DNAH9: variants seen among roughly 807,000 people sequenced by gnomAD.
The protein encoded by DNAH9 is DNAH9 variant protein.
Under a neutral mutation model 471.6 loss-of-function variants are expected in DNAH9, and 345 were observed. That is an observed-to-expected ratio of 0.73 (90% CI 0.67 to 0.80). The LOEUF is 0.80. Among genes scored for constraint, DNAH9 ranks in the 30% least tolerant of loss-of-function variants. The pLI, the probability that DNAH9 is intolerant of heterozygous loss-of-function variation, is 0.00. For missense variants in DNAH9, 5,407 were observed against 5,609.2 expected (o/e 0.96, Z 1.15); for synonymous variants, 2,093 against 2,123.6 (o/e 0.99, Z 0.40).
chr17:11,907,123 C>A (rs540852282), intron 61 of DNAH9, among the ~76,000 whole-genome samples: 1 of 152,216 alleles, frequency 6.6e-6, no homozygotes, highest in Admixed American at 6.5e-5. Flanking sequence ...AGTGAAGCCT[C>A]CAGGTAGCAG....
intron 42 of DNAH9, among the ~76,000 whole-genome samples, chr17:11,794,062 T>TTTTTTGTTTG (rs34204064): frequency 1.0e-5 from 1 of 99,180 alleles, no homozygotes; most frequent in African/African-American, 3.5e-5. Context: ...TTTTTTTTTT[T>TTTTTTGTTTG]GAGACAGAGT....
intron 43 of DNAH9, among the ~76,000 whole-genome samples, chr17:11,804,079 C>T (rs776732894): frequency 9.2e-5 from 14 of 152,212 alleles, no homozygotes; most frequent in Non-Finnish European, 1.8e-4. Context: ...CTTCAATGTG[C>T]TGTCACTGCA....
intron 61 of DNAH9, among the ~76,000 whole-genome samples, chr17:11,920,085 A>T (rs1597827404): frequency 6.9e-6 from 1 of 145,752 alleles, no homozygotes; most frequent in African/African-American, 2.6e-5. Context: ...CCCAGGCTGG[A>T]GTGTGCAATG....
chr17:11,620,086 G>A (rs2072824650), intron 6 of DNAH9, among the ~76,000 whole-genome samples: 1 of 151,950 alleles, frequency 6.6e-6, no homozygotes. Flanking sequence ...GGTGTGGTGT[G>A]CACCTGTAGT....
chr17:11,899,183 T>A (rs28638309), intron 59 of DNAH9, among the ~76,000 whole-genome samples: 61,432 of 151,000 alleles, frequency 0.41, 12,684 homozygotes, highest in Middle Eastern at 0.54. Flanking sequence ...CATGATTTTT[T>A]AAAAAAAAAA....
At chr17:11,685,674 G>C (rs2074229754) in intron 19 of DNAH9, among the ~76,000 whole-genome samples, 1 of 152,142 alleles carries the variant, frequency 6.6e-6, no homozygotes, top group Non-Finnish European at 1.5e-5. Flanking sequence ...AGGAGAAGGA[G>C]AGTGTAAGGG....
At position 11,744,990 on chromosome 17, in the gene DNAH9, AT is replaced by A; in HGVS notation, c.6306del (p.Asp2102GlufsTer18). The part of the protein sequence containing the change: ...GLIGDLFPAL[D>X]VPRRRDPNFE... ...ATCGGGGACCTCTTTCCCGCCCTGG[AT>A]GTCCCCCGGAGGAGAGACCCCAACT... On this transcript the variant is annotated frameshift_variant, in exon 31 of 69. Transcript: ENST00000262442. LOFTEE classifies it high-confidence loss of function. 1 of 1,614,114 alleles carries A rather than the reference AT, an allele frequency of 6.2e-7. No homozygotes were observed. Among genetic ancestry groups the A allele is most frequent in the Non-Finnish European group, 8.5e-7 (1 of 1,179,966 alleles).
chr17:11,632,145 C>G (rs1474794257), intron 7 of DNAH9, among the ~76,000 whole-genome samples: 1 of 152,170 alleles, frequency 6.6e-6, no homozygotes, highest in Non-Finnish European at 1.5e-5. Context: ...TTCTTTCCTC[C>G]TAATGGCTAG....
At chr17:11,925,213 T>C (rs1007155961) in intron 62 of DNAH9, 1 of 455,328 alleles carries the variant, frequency 2.2e-6, no homozygotes, top group Non-Finnish European at 4.4e-6. Flanking sequence ...GCCTTGAACA[T>C]AGCAGACACT....
intron 4 of DNAH9, among the ~76,000 whole-genome samples, chr17:11,616,694 A>C (rs962885238): frequency 6.6e-6 from 1 of 152,178 alleles, no homozygotes; most frequent in African/African-American, 2.4e-5. Flanking sequence ...TTTTTTAAAA[A>C]AATTATACTT....
rs1976223591 is a variant in DNAH9, at chr17:11,961,904, A to T, written c.12881A>T (p.Gln4294Leu). Residue 4294 changes from glutamine to leucine, a missense_variant, in exon 68 of 69, where the codon CAG becomes CTG. Transcript: ENST00000262442. ...LTMTSHMENL[Q>L]NALYFDMVPE... Reference sequence around the variant, plus strand: ...ATGACCAGCCACATGGAGAACTTACAGAATGCCCTGTACTTCGATATGGTG... The same window carrying T: ...ATGACCAGCCACATGGAGAACTTACTGAATGCCCTGTACTTCGATATGGTG... 1 of 1,613,056 alleles carries T rather than the reference A, an allele frequency of 6.2e-7. No individual in the cohort carries two copies.
Position 11,679,789 on chromosome 17 carries a change from G to T in DNAH9, c.3386G>T (p.Ser1129Ile). Residue 1129 changes from serine (S) to isoleucine (I), a missense_variant, in exon 18 of 69, where the codon AGT becomes ATT. Physicochemically the swap from Ser to Ile is moderately radical, Grantham distance 142. Coordinates refer to ENST00000262442, the MANE Select transcript of DNAH9 (RefSeq NM_001372.4). Reference protein sequence around the residue: ...LANLDAFIKKSESGLLKKVEK... With the variant: ...LANLDAFIKKIESGLLKKVEK... ...AACCTGGATGCGTTTATAAAGAAGA[G>T]TGAGAGCGGCTTACTCAAGAAAGTT... is the stretch of plus-strand genomic sequence containing the variant. 2 of 1,614,126 alleles carry T rather than the reference G, an allele frequency of 1.2e-6. No individual in the cohort carries two copies. The highest frequency in any genetic ancestry group is 1.6e-4 in the Middle Eastern group (1 of 6,062).
chr17:11,904,162 C>T (rs1306894493), intron 60 of DNAH9, among the ~76,000 whole-genome samples: 6 of 152,168 alleles, frequency 3.9e-5, no homozygotes, highest in Admixed American at 3.9e-4. Flanking sequence ...ACAGAGATCT[C>T]TTGAGCTGAG....
chr17:11,903,050 A>C, intron 60 of DNAH9, 138 bp downstream of exon 60: 1 of 994,114 alleles, frequency 1.0e-6, no homozygotes, highest in East Asian at 2.5e-5. Flanking sequence ...AATAGAAATT[A>C]ACTAAACAGG....
At chr17:11,838,524 G>A (rs371707787) in intron 49 of DNAH9, among the ~76,000 whole-genome samples, 2 of 152,202 alleles carry the variant, frequency 1.3e-5, no homozygotes, top group African/African-American at 4.8e-5. Flanking sequence ...ACTAGATGGA[G>A]AAGGTGGTAG....
chr17:11,727,868 CTTTGATGAG>C lies in DNAH9; in HGVS notation c.5764_5772del (p.Asp1922_Phe1924del). ...TTGCTCAGACTGGTGCCTGGGGCTG[CTTTGATGAG>C]TTTAATCGAATCTCCGTGGAGGTCT... On this transcript the variant is annotated inframe_deletion, in exon 28 of 69. Transcript: ENST00000262442. 1 of 1,614,118 alleles carries C rather than the reference CTTTGATGAG, an allele frequency of 6.2e-7. No homozygotes were observed. The highest frequency in any genetic ancestry group is 8.5e-7 in the Non-Finnish European group (1 of 1,179,982).
intron 48 of DNAH9, among the ~76,000 whole-genome samples, chr17:11,826,352 G>A (rs9894870): frequency 0.025 from 2,726 of 107,928 alleles, 74 homozygotes; most frequent in African/African-American, 0.07. Context: ...TCCCCAGGCC[G>A]GAAGCTGGGG....
In DNAH9 at chr17:11,680,300, A is replaced by C. The variant is rs62060832; in HGVS notation, c.3576+321A>C. On this transcript the variant is annotated intron_variant, in intron 18 of 68. Transcript: ENST00000262442. ...GATGGTCCAAGAGGTAATGTGGGAC[A>C]TAAAAGAAAATAACCAAGCAACCCT... 7.1e-3 allele frequency among the ~76,000 whole-genome samples: 1,089 copies of C among 152,354 alleles called. 12 individuals are homozygous for C. Among genetic ancestry groups the C allele is most frequent in the Non-Finnish European group, 0.013 (889 of 68,036 alleles).
rs149860225 is a variant in DNAH9 at position 11,947,164 on chromosome 17, GTC to G, written c.12843+4684_12843+4685del. 6.8e-3 allele frequency among the ~76,000 whole-genome samples: 1,039 copies of G among 152,288 alleles called. 10 individuals carry two copies. Among genetic ancestry groups the G allele is most frequent in the East Asian group, 0.048 (249 of 5,194 alleles). ...GGGAATTCACCACAGTTAGACATCTGTCTCTCAGCCTCACAAGATGAGGAACC... is the reference window on the plus strand; with the variant it reads ...GGGAATTCACCACAGTTAGACATCTGTCTCAGCCTCACAAGATGAGGAACC... On this transcript the variant is annotated intron_variant, in intron 67 of 68. Coordinates refer to ENST00000262442, the MANE Select transcript of DNAH9 (RefSeq NM_001372.4).
Sources: gnomAD v4.1 joint callset for allele counts (sites outside exome capture counted in the v4.1 genomes callset) on GRCh38, gnomAD v4.1.1 for gene constraint, MANE v1.5 for transcripts, NCBI Gene and HGNC (gene_info 2026-07-23, HGNC 2026-07-21) for gene names.